The following MUSK variants were observed in gnomAD, a reference collection of about 807,000 sequenced individuals.
MUSK encodes the protein muscle associated receptor tyrosine kinase.
Under a neutral mutation model 88.7 loss-of-function variants are expected in MUSK, and 55 were observed. The observed-to-expected ratio is 0.62, with a 90% CI of 0.50 to 0.78. The LOEUF (loss-of-function observed/expected upper bound fraction) is 0.78. Among genes scored for constraint, MUSK ranks in the 30% least tolerant of loss-of-function variants. MUSK has a pLI of 0.00. For missense variants in MUSK, 1,015 were observed against 1,074.3 expected, an observed-to-expected ratio of 0.94 and a Z score of 0.77; for synonymous variants, 387 against 391.9, an observed-to-expected ratio of 0.99 and a Z score of 0.15.
chr9:110,781,498 G>C lies in MUSK; in HGVS notation c.1385-3317G>C, dbSNP rs576259474. Among the ~76,000 whole-genome samples, 8 of 152,228 alleles carry C rather than the reference G, an allele frequency of 5.3e-5. No homozygotes were observed. In the East Asian group the frequency reaches 1.2e-3, roughly 22 times the overall value. ...TCACCGTGTTAGCCAGGATGGTCTCGATCTCCTGACCTCGTGATTCACCCG... is the reference window on the plus strand; with the variant it reads ...TCACCGTGTTAGCCAGGATGGTCTCCATCTCCTGACCTCGTGATTCACCCG... On this transcript the variant is annotated intron_variant, in intron 11 of 14. Transcript: ENST00000374448.
chr9:110,712,159 GAAAA>G lies in MUSK; in HGVS notation c.628+14706_628+14709del, dbSNP rs35254603. Among the ~76,000 whole-genome samples, 9 of 141,826 alleles carry G rather than the reference GAAAA, an allele frequency of 6.3e-5. No individual in the cohort carries two copies. In the East Asian group the frequency reaches 1.3e-3, roughly 20 times the overall value. 93.0% of individuals were successfully genotyped at this position (141,826 alleles called of 152,430 possible). On this transcript the variant is annotated intron_variant, in intron 5 of 14. Coordinates refer to ENST00000374448, the MANE Select transcript of MUSK (RefSeq NM_005592.4). The stretch of plus-strand genomic sequence containing the variant: ...AAAACCTTTAACTCATGTTTATTCT[GAAAA>G]AAAAAAAAAAAATCAGTGCCTGGGT...
At chr9:110,681,251 T>A (rs1406107225) in intron 1 of MUSK, among the ~76,000 whole-genome samples, 1 of 140,132 alleles carries the variant, frequency 7.1e-6, no homozygotes, top group Non-Finnish European at 1.5e-5. Flanking sequence ...GTGGCCCTGA[T>A]GACTGTGTAT....
At chr9:110,720,341 T>C (rs1248152902) in intron 5 of MUSK, among the ~76,000 whole-genome samples, 1 of 151,858 alleles carries the variant, frequency 6.6e-6, no homozygotes, top group Non-Finnish European at 1.5e-5. Flanking sequence ...CGATAGACCA[T>C]TAGCTAGATT....
At position 110,784,967 on chromosome 9, in the gene MUSK, A is replaced by G; in HGVS notation, c.1537A>G (p.Thr513Ala). The G allele has an allele frequency of 1.2e-6, 2 of 1,613,872 alleles. No individual in the cohort carries two copies. Among genetic ancestry groups the G allele is most frequent in the Non-Finnish European group, 1.7e-6 (2 of 1,179,850 alleles). ...TGCAATATTTGTGCTTCTTACCATA[A>G]CTACTCTCTATTGCTGCCGAAGAAG... Reference protein sequence around the residue: ...SFAIFVLLTITTLYCCRRRKQ... With the variant: ...SFAIFVLLTIATLYCCRRRKQ... The change falls in exon 12 of 15, where the codon ACT (threonine) becomes GCT (alanine). Residue 513 changes from threonine to alanine, a missense_variant. Thr to Ala is a moderately conservative substitution (Grantham distance 58, BLOSUM62 0). Coordinates refer to ENST00000374448, the MANE Select transcript of MUSK (RefSeq NM_005592.4).
intron 5 of MUSK, among the ~76,000 whole-genome samples, chr9:110,705,490 C>T (rs910934261): frequency 3.9e-5 from 6 of 152,164 alleles, no homozygotes; most frequent in Admixed American, 3.9e-4. Context: ...CTGAAGTCTC[C>T]ACTCATCTGA....
At chr9:110,673,503 A>G (rs2075987749) in intron 1 of MUSK, among the ~76,000 whole-genome samples, 1 of 152,218 alleles carries the variant, frequency 6.6e-6, no homozygotes, top group South Asian at 2.1e-4. Context: ...TAGTAAAAAC[A>G]GTCAAACTTC....
chr9:110,714,353 G>C (rs566975997), intron 5 of MUSK, among the ~76,000 whole-genome samples: 2 of 152,090 alleles, frequency 1.3e-5, no homozygotes, highest in African/African-American at 4.8e-5. Flanking sequence ...CATCTCAAAG[G>C]CCACAGAAAT....
At chr9:110,676,931 A>G (rs2076038743) in intron 1 of MUSK, among the ~76,000 whole-genome samples, 1 of 152,150 alleles carries the variant, frequency 6.6e-6, no homozygotes, top group Non-Finnish European at 1.5e-5. Flanking sequence ...TTAAATAAGA[A>G]GCTCTCTCTT....
intron 3 of MUSK, among the ~76,000 whole-genome samples, chr9:110,694,803 A>G (rs1162450404): frequency 6.6e-6 from 1 of 152,158 alleles, no homozygotes; most frequent in East Asian, 1.9e-4. Context: ...ATTTCTTCTG[A>G]AAGATTAAAA....
rs758906037 is a variant in MUSK at position 110,768,130 on chromosome 9, T to C, written c.1184+47T>C. Reference sequence around the variant, plus strand: ...AAAGGAAAAATTCCATTTTTCTATCTGCACAACAGAAGGAGTTTTTGAAAA... The same window carrying C: ...AAAGGAAAAATTCCATTTTTCTATCCGCACAACAGAAGGAGTTTTTGAAAA... On this transcript the variant is annotated intron_variant, in intron 9 of 14. Coordinates refer to ENST00000374448, the MANE Select transcript of MUSK (RefSeq NM_005592.4). 4.0e-5 allele frequency: 62 copies of C among 1,531,720 alleles called. 1 individual carries two copies. In the Admixed American group the frequency reaches 1.2e-3, roughly 30 times the overall value. The allele number at this position is 1,531,720 out of a possible 1,614,324, so 94.9% of individuals were successfully genotyped here. A position where few individuals can be genotyped will look rare whatever the true frequency, so the allele number is the denominator to read the frequency against.
Position 110,800,439 on chromosome 9 carries a change from T to C in MUSK, c.2061T>C (p.Ala687=). Residue 687 remains alanine, a synonymous_variant, in exon 15 of 15, where the codon GCT becomes GCC. Coordinates refer to ENST00000374448, the MANE Select transcript of MUSK (RefSeq NM_005592.4). ...SLSHSDLSMR[A]QVSSPGPPPL... is the part of the protein sequence containing the mutation. ...GTCACAGTGACTTGTCTATGAGGGC[T>C]CAGGTCTCCAGCCCTGGGCCCCCAC... is the stretch of plus-strand genomic sequence containing the variant. 1 of 1,613,854 alleles carries C rather than the reference T, an allele frequency of 6.2e-7. No individual in the cohort carries two copies. The highest frequency in any genetic ancestry group is 8.5e-7 in the Non-Finnish European group (1 of 1,179,854).
At chr9:110,782,820 C>T (rs2077783576) in intron 11 of MUSK, among the ~76,000 whole-genome samples, 1 of 152,138 alleles carries the variant, frequency 6.6e-6, no homozygotes, top group African/African-American at 2.4e-5. Flanking sequence ...GTTGAGTCCA[C>T]CACTCCTGTG....
intron 3 of MUSK, among the ~76,000 whole-genome samples, chr9:110,694,713 ATCAAT>A (rs560125436): frequency 7.5e-4 from 114 of 152,316 alleles, no homozygotes; most frequent in Non-Finnish European, 1.4e-3. Context: ...TCCTGAACTT[ATCAAT>A]TCTTTTGTAT....
chr9:110,731,945 A>C (rs1484641777), intron 5 of MUSK, among the ~76,000 whole-genome samples: 2 of 152,220 alleles, frequency 1.3e-5, no homozygotes, highest in Non-Finnish European at 2.9e-5. Flanking sequence ...ACAAAATAAA[A>C]CCTTTCCAAG....
chr9:110,691,687 G>A (rs1014318248), intron 3 of MUSK, among the ~76,000 whole-genome samples: 2 of 151,928 alleles, frequency 1.3e-5, no homozygotes, highest in African/African-American at 4.8e-5. Flanking sequence ...CCATACATAC[G>A]GGCACCACAC....
chr9:110,719,248 T>A (rs1019556275), intron 5 of MUSK, among the ~76,000 whole-genome samples: 1 of 151,878 alleles, frequency 6.6e-6, no homozygotes, highest in South Asian at 2.1e-4. Flanking sequence ...AATACTAACG[T>A]GGAATGTAAA....
At chr9:110,771,381 C>T (rs551948655) in intron 9 of MUSK, among the ~76,000 whole-genome samples, 59 of 152,138 alleles carry the variant, frequency 3.9e-4, no homozygotes, top group Middle Eastern at 3.4e-3. Flanking sequence ...TGAGCCACCG[C>T]GCCCAGCCCT....
intron 11 of MUSK, among the ~76,000 whole-genome samples, chr9:110,777,964 T>C (rs2077696086): frequency 6.6e-6 from 1 of 152,064 alleles, no homozygotes; most frequent in Non-Finnish European, 1.5e-5. Context: ...GTTAAGGCAA[T>C]TATTATTAAA....
chr9:110,674,286 A>T (rs927844479), intron 1 of MUSK, among the ~76,000 whole-genome samples: 1 of 152,194 alleles, frequency 6.6e-6, no homozygotes, highest in Non-Finnish European at 1.5e-5. Context: ...TTATATAATA[A>T]TAAAATGTAG....
Sources: gnomAD v4.1 joint callset for allele counts (sites outside exome capture counted in the v4.1 genomes callset) on GRCh38, gnomAD v4.1.1 for gene constraint, MANE v1.5 for transcripts, NCBI Gene and HGNC (gene_info 2026-07-23, HGNC 2026-07-21) for gene names.